ADAMTSL1: variants seen among roughly 807,000 people sequenced by gnomAD.
The protein encoded by ADAMTSL1 is ADAMTS like 1.
In ADAMTSL1, 126 loss-of-function variants were observed where a neutral mutation model predicts 201.8. The observed-to-expected ratio is 0.62, with a 90% confidence interval of 0.54 to 0.72. The LOEUF (loss-of-function observed/expected upper bound fraction) is 0.72. ADAMTSL1 is among the 30% of genes least tolerant of loss of function. The probability of loss-of-function intolerance (pLI) is 0.00; values close to 1 mark genes in which losing one functional copy is unlikely to be tolerated. For missense variants in ADAMTSL1, 2,679 were observed against 2,277.8 expected (o/e 1.18, Z -3.59); for synonymous variants, 1,121 against 903.4 (o/e 1.24, Z -4.32).
At chr9:18,453,939 A>C (rs1427820040) in intron 2 of ADAMTSL1, among the ~76,000 whole-genome samples, 1 of 152,224 alleles carries the variant, frequency 6.6e-6, no homozygotes, top group Non-Finnish European at 1.5e-5. Context: ...ATCTTCCTCT[A>C]GAACCACTCG....
intron 2 of ADAMTSL1, among the ~76,000 whole-genome samples, chr9:18,464,204 C>G (rs1770678815): frequency 6.6e-6 from 1 of 152,228 alleles, no homozygotes; most frequent in African/African-American, 2.4e-5. Context: ...ACTTGAATTT[C>G]TGAGCCAGAG....
At chr9:18,307,898 T>C (rs1563875453) in intron 2 of ADAMTSL1, among the ~76,000 whole-genome samples, 1 of 152,138 alleles carries the variant, frequency 6.6e-6, no homozygotes, top group Non-Finnish European at 1.5e-5. Context: ...ATACATTCTT[T>C]TCAGCACCAC....
rs192826480 is a variant in ADAMTSL1 at position 18,768,618 on chromosome 9, G to T, written c.2218-1984G>T. On this transcript the variant is annotated intron_variant, in intron 16 of 28. Coordinates refer to ENST00000380548, the MANE Select transcript of ADAMTSL1 (RefSeq NM_001040272.6). ...GGGACTCAATTATTTTTTTAAATTT[G>T]AAATGAAAAAAATAAAGGTTTCTCA... is the stretch of plus-strand genomic sequence containing the variant. Among the ~76,000 whole-genome samples, 37 of 151,476 alleles carry T rather than the reference G, an allele frequency of 2.4e-4. 1 individual carries two copies. The East Asian group carries it at 6.2e-3, about 25-fold the overall frequency.
At chr9:18,004,384 G>A (rs983869638) in intron 1 of ADAMTSL1, among the ~76,000 whole-genome samples, 1 of 151,988 alleles carries the variant, frequency 6.6e-6, no homozygotes, top group African/African-American at 2.4e-5. Context: ...CCTTCTGCAG[G>A]TGGTAAGGGG....
At chr9:18,452,633 G>A (rs973420508) in intron 2 of ADAMTSL1, among the ~76,000 whole-genome samples, 10 of 152,222 alleles carry the variant, frequency 6.6e-5, no homozygotes, top group Admixed American at 5.9e-4. Flanking sequence ...TACAATGGTG[G>A]ACAGGCATAA....
At chr9:18,320,600 G>C (rs528629707) in intron 2 of ADAMTSL1, among the ~76,000 whole-genome samples, 252 of 152,218 alleles carry the variant, frequency 1.7e-3, no homozygotes, top group Non-Finnish European at 2.9e-3. Flanking sequence ...AAATACAAAA[G>C]ACAGTTTTCT....
intron 20 of ADAMTSL1, among the ~76,000 whole-genome samples, chr9:18,816,395 C>T (rs917730268): frequency 6.6e-6 from 1 of 152,070 alleles, no homozygotes; most frequent in African/African-American, 2.4e-5. Context: ...TGCCACCACA[C>T]CCGGTTAATT....
At chr9:18,170,830 G>A (rs1730277661) in intron 2 of ADAMTSL1, among the ~76,000 whole-genome samples, 1 of 152,038 alleles carries the variant, frequency 6.6e-6, no homozygotes, top group African/African-American at 2.4e-5. Flanking sequence ...ATCTAACTGT[G>A]GTGGATACAT....
chr9:18,029,785 C>T (rs1268929816), intron 1 of ADAMTSL1, among the ~76,000 whole-genome samples: 1 of 152,156 alleles, frequency 6.6e-6, no homozygotes, highest in Non-Finnish European at 1.5e-5. Context: ...TAGCCAAAAA[C>T]ACATGAAAAA....
chr9:18,601,071 C>T (rs1824616870), intron 4 of ADAMTSL1, among the ~76,000 whole-genome samples: 1 of 152,124 alleles, frequency 6.6e-6, no homozygotes, highest in East Asian at 1.9e-4. Context: ...TCTCAGTTTT[C>T]TCTATCTCCT....
intron 4 of ADAMTSL1, among the ~76,000 whole-genome samples, chr9:18,583,187 A>G (rs1216221077): frequency 6.6e-6 from 1 of 152,192 alleles, no homozygotes; most frequent in Non-Finnish European, 1.5e-5. Context: ...GCAGGAGGAA[A>G]AAGTGGTTTC....
At chr9:18,142,488 G>T (rs1049187369) in intron 1 of ADAMTSL1, among the ~76,000 whole-genome samples, 5 of 152,132 alleles carry the variant, frequency 3.3e-5, no homozygotes, top group African/African-American at 1.2e-4. Flanking sequence ...TCCATGGAGG[G>T]CACCCCCTCA....
chr9:18,069,266 G>A (rs553241514), intron 1 of ADAMTSL1, among the ~76,000 whole-genome samples: 2 of 152,072 alleles, frequency 1.3e-5, no homozygotes, highest in South Asian at 2.1e-4. Context: ...TCAATATATC[G>A]AGTTGAAGAA....
chr9:17,987,025 G>C (rs1269094378), intron 1 of ADAMTSL1, among the ~76,000 whole-genome samples: 2 of 152,248 alleles, frequency 1.3e-5, no homozygotes, highest in East Asian at 3.9e-4. Flanking sequence ...GTTAGGGGAA[G>C]AGTTCCCACT....
intron 1 of ADAMTSL1, among the ~76,000 whole-genome samples, chr9:18,069,867 G>T (rs1301783834): frequency 1.3e-5 from 2 of 152,176 alleles, no homozygotes; most frequent in Admixed American, 6.5e-5. Context: ...AGTTGATGAA[G>T]ACAAAGGGAA....
At chr9:18,245,780 A>AT (rs1284606207) in intron 2 of ADAMTSL1, among the ~76,000 whole-genome samples, 1 of 151,902 alleles carries the variant, frequency 6.6e-6, no homozygotes, top group Non-Finnish European at 1.5e-5. Context: ...AGAATGATGC[A>AT]TCTTGAGTAG....
At chr9:18,583,634 G>A (rs1823265087) in intron 4 of ADAMTSL1, among the ~76,000 whole-genome samples, 1 of 152,150 alleles carries the variant, frequency 6.6e-6, no homozygotes, top group African/African-American at 2.4e-5. Flanking sequence ...CTGTGTGCCT[G>A]GATAAGCTGC....
intron 4 of ADAMTSL1, among the ~76,000 whole-genome samples, chr9:18,613,267 G>T (rs1825494733): frequency 6.6e-6 from 1 of 152,172 alleles, no homozygotes; most frequent in South Asian, 2.1e-4. Context: ...GTTGGTGGGA[G>T]TGTAAATTAG....
chr9:18,448,338 G>A (rs2131661971), intron 2 of ADAMTSL1, among the ~76,000 whole-genome samples: 1 of 152,196 alleles, frequency 6.6e-6, no homozygotes, highest in Admixed American at 6.5e-5. Flanking sequence ...GCTGTCAGGG[G>A]AAAATTATTG....
Sources: allele counts gnomAD v4.1 joint callset (sites outside exome capture counted in the v4.1 genomes callset), GRCh38; gene constraint gnomAD v4.1.1; transcripts MANE v1.5; gene names NCBI Gene and HGNC (gene_info 2026-07-23, HGNC 2026-07-21).